The following CATSPER4 variants were observed in gnomAD, a reference collection of about 807,000 sequenced individuals.
CATSPER4 encodes the protein cation channel sperm-associated protein 4.
A neutral mutation model predicts 54.4 loss-of-function variants in CATSPER4; 46 were observed. The observed-to-expected ratio is 0.84, with a 90% CI of 0.67 to 1.08. CATSPER4 has a LOEUF of 1.08. Ranked by LOEUF, CATSPER4 falls within the 50% of genes least tolerant of loss-of-function variation. CATSPER4 has a pLI of 0.00. For synonymous variants in CATSPER4, 230 were observed against 231.9 expected (o/e 0.99, Z 0.08); for missense variants, 574 against 612.8 (o/e 0.94, Z 0.67).
Position 26,198,341 on chromosome 1 carries a change from A to T in CATSPER4, c.734A>T (p.Gln245Leu). Residue 245 changes from glutamine (Q) to leucine (L), a missense_variant, in exon 6 of 10, where the codon CAG becomes CTG. Transcript: ENST00000456354. The part of the protein sequence containing the change: ...LFGAFVPKHF[Q>L]NIQVALYTLF... ...GGTGCATTCGTGCCCAAGCATTTCC[A>T]GAACATACAGGTTGCGCTGTACACC... 6.2e-7 allele frequency: 1 copy of T among 1,614,154 alleles called. No homozygotes were observed. The highest frequency in any genetic ancestry group is 2.2e-5 in the East Asian group (1 of 44,876).
At chr1:26,199,417 G>A (rs1318597691) in intron 6 of CATSPER4, among the ~76,000 whole-genome samples, 2 of 144,882 alleles carry the variant, frequency 1.4e-5, no homozygotes, top group Non-Finnish European at 3.0e-5. Flanking sequence ...AGGTGACAGA[G>A]TGAGACTCTG....
Position 26,200,952 on chromosome 1 carries a change from A to G in CATSPER4, c.1110A>G (p.Ser370=), listed in dbSNP as rs2089000952. The G allele has an allele frequency of 6.2e-7, 1 of 1,614,144 alleles. No individual in the cohort carries two copies. The highest frequency in any genetic ancestry group is 8.5e-7 in the Non-Finnish European group (1 of 1,180,016). ...CGGGAGGCCCCCTGTCGAACCTCTC[A>G]GAAAACACGTGTGACAACTTTTGCT... is the stretch of plus-strand genomic sequence containing the variant. The part of the protein sequence containing the change: ...PLAGGPLSNL[S]ENTCDNFCLV... Residue 370 remains serine (S), a synonymous_variant, in exon 8 of 10, where the codon TCA becomes TCG. Transcript: ENST00000456354.
intron 6 of CATSPER4, 118 bp downstream of exon 6, chr1:26,198,537 G>C: frequency 7.7e-7 from 1 of 1,306,624 alleles, no homozygotes; most frequent in Non-Finnish European, 1.1e-6. Context: ...GTAGAAGTGG[G>C]GGTTCCCAGG....
At chr1:26,195,473 G>A (rs2088925678) in intron 3 of CATSPER4, among the ~76,000 whole-genome samples, 2 of 151,368 alleles carry the variant, frequency 1.3e-5, no homozygotes, top group African/African-American at 2.4e-5. Context: ...AGGGGAGATG[G>A]GAGATGCCAG....
Position 26,200,199 on chromosome 1 carries a change from C to T in CATSPER4, c.987+141C>T, listed in dbSNP as rs141509178. On this transcript the variant is annotated intron_variant, in intron 7 of 9. Coordinates refer to ENST00000456354, the MANE Select transcript of CATSPER4 (RefSeq NM_198137.2). ...TGGAGGCCTGGAGGCAGCAGCCCCC[C>T]ATCTTGAGTGCCCACCCACCAACTG... 2.1e-3 allele frequency: 1,974 copies of T among 924,338 alleles called. 27 individuals are homozygous for T. The highest frequency in any genetic ancestry group is 0.012 in the East Asian group (438 of 37,510). The allele number at this position is 924,338 out of a possible 1,614,324, so 57.3% of individuals were successfully genotyped here. A position where few individuals can be genotyped will look rare whatever the true frequency, so the allele number is the denominator to read the frequency against.
intron 3 of CATSPER4, among the ~76,000 whole-genome samples, chr1:26,195,015 C>T (rs145599242): frequency 4.6e-5 from 7 of 152,250 alleles, no homozygotes; most frequent in South Asian, 4.2e-4. Context: ...ACCCGGGAGG[C>T]GGAGTTTGCA....
intron 3 of CATSPER4, among the ~76,000 whole-genome samples, chr1:26,195,286 G>A (rs561667015): frequency 1.3e-5 from 2 of 151,948 alleles, no homozygotes; most frequent in Non-Finnish European, 2.9e-5. Flanking sequence ...AGGAATACCC[G>A]AGGTTGAATA....
At chr1:26,198,466 G>A (rs771376307) in intron 6 of CATSPER4, 47 bp downstream of exon 6, 2 of 1,611,906 alleles carry the variant, frequency 1.2e-6, no homozygotes, top group Non-Finnish European at 1.7e-6. Flanking sequence ...ATGGGGCAGG[G>A]TAGCCGGTGG....
At chr1:26,193,915 C>T in intron 3 of CATSPER4, 27 bp downstream of exon 3, 4 of 1,536,710 alleles carry the variant, frequency 2.6e-6, no homozygotes, top group Non-Finnish European at 3.6e-6. Flanking sequence ...TTTGCCCCTA[C>T]TTCCCCCTGG....
In CATSPER4 at chr1:26,198,332, A is replaced by G. The variant is rs569945028; in HGVS notation, c.725A>G (p.Lys242Arg). The G allele has an allele frequency of 9.3e-6, 15 of 1,614,058 alleles. No individual in the cohort carries two copies. In the African/African-American group the frequency reaches 1.3e-4, roughly 14 times the overall value. ...GVTLFGAFVPKHFQNIQVALY... is the reference protein window; with the variant it reads ...GVTLFGAFVPRHFQNIQVALY... ...ACACTCTTTGGTGCATTCGTGCCCA[A>G]GCATTTCCAGAACATACAGGTTGCG... Residue 242 changes from lysine to arginine, a missense_variant, in exon 6 of 10, where the codon AAG (lysine) becomes AGG (arginine). Coordinates refer to ENST00000456354, the MANE Select transcript of CATSPER4 (RefSeq NM_198137.2).
At chr1:26,196,144 CTTTTT>C (rs376569258) in intron 3 of CATSPER4, among the ~76,000 whole-genome samples, 1 of 125,274 alleles carries the variant, frequency 8.0e-6, no homozygotes, top group Non-Finnish European at 1.6e-5. Flanking sequence ...CTTTCTTTTC[CTTTTT>C]TTTTTTTTTT....
rs1314680482 is a variant in CATSPER4, at chr1:26,191,442, G to A, written c.357+12G>A. 6.2e-7 allele frequency: 1 copy of A among 1,613,982 alleles called. No individual in the cohort carries two copies. Among genetic ancestry groups the A allele is most frequent in the Non-Finnish European group, 8.5e-7 (1 of 1,179,982 alleles). The stretch of plus-strand genomic sequence containing the variant: ...CCTACCTGGACCAGGTGGGATGCCA[G>A]CATGACCTCTGCCCCACTAACCCTA... On this transcript the variant is annotated intron_variant, in intron 2 of 9. Coordinates refer to ENST00000456354, the MANE Select transcript of CATSPER4 (RefSeq NM_198137.2).
At chr1:26,201,968 C>T (rs1436304880) in intron 9 of CATSPER4, among the ~76,000 whole-genome samples, 16 of 152,102 alleles carry the variant, frequency 1.1e-4, no homozygotes, top group African/African-American at 2.9e-4. Flanking sequence ...GGATTACAGG[C>T]GTGAGCCACT....
chr1:26,199,751 T>C, intron 6 of CATSPER4, 133 bp from the exon 7 acceptor site: 1 of 922,636 alleles, frequency 1.1e-6, no homozygotes, highest in Non-Finnish European at 1.7e-6. Flanking sequence ...GAGTAGGGAA[T>C]GGGATCTGCA....
chr1:26,192,782 G>A (rs949460562), intron 2 of CATSPER4, among the ~76,000 whole-genome samples: 3 of 151,874 alleles, frequency 2.0e-5, no homozygotes, highest in African/African-American at 4.8e-5. Context: ...ATTGTCTCCA[G>A]TGGCCATATG....
chr1:26,190,623 CA>C lies in CATSPER4; in HGVS notation c.-2del, dbSNP rs1326374258. On this transcript the variant is annotated 5_prime_UTR_variant, in exon 1 of 10. Transcript: ENST00000456354. ...CTTTGAGGAGAAGGAAGAGACTGAG[CA>C]AACATGAGGGATAATGAAAAGGCCT... 2 of 1,599,192 alleles carry C rather than the reference CA, an allele frequency of 1.3e-6. No homozygotes were observed. Among genetic ancestry groups the C allele is most frequent in the Non-Finnish European group, 1.7e-6 (2 of 1,179,192 alleles).
At position 26,200,857 on chromosome 1, in the gene CATSPER4, G is replaced by A; in HGVS notation, c.1015G>A (p.Asp339Asn). 1 of 1,614,096 alleles carries A rather than the reference G, an allele frequency of 6.2e-7. No individual in the cohort carries two copies. The highest frequency in any genetic ancestry group is 8.5e-7 in the Non-Finnish European group (1 of 1,179,952). The change falls in exon 8 of 10, where the codon GAC becomes AAC. Residue 339 changes from aspartate to asparagine, a missense_variant. Asp to Asn is a conservative substitution (Grantham distance 23). Transcript: ENST00000456354. Reference protein sequence around the residue: ...ETGAEEEEENDQLPLVHCVVA... With the variant: ...ETGAEEEEENNQLPLVHCVVA... ...AGGCGCAGAGGAAGAGGAGGAGAATGACCAGCTGCCACTGGTGCATTGTGT... is the reference window on the plus strand; with the variant it reads ...AGGCGCAGAGGAAGAGGAGGAGAATAACCAGCTGCCACTGGTGCATTGTGT...
chr1:26,202,060 G>A (rs552553479), intron 9 of CATSPER4, among the ~76,000 whole-genome samples: 23 of 152,164 alleles, frequency 1.5e-4, no homozygotes, highest in South Asian at 6.2e-4. Context: ...TTTCCTTCTC[G>A]GAAAGGCTCC....
Position 26,190,672 on chromosome 1 carries a change from T to C in CATSPER4, c.45T>C (p.His15=). ...CCTGGTGGCAGCAATGGACCTCCCA[T>C]ACAGGCCTCGAGGGGTGGGGCGGGA... ...EKAWWQQWTS[H]TGLEGWGGTQ... Residue 15 remains histidine, a synonymous_variant, in exon 1 of 10, where the codon CAT becomes CAC. Coordinates refer to ENST00000456354, the MANE Select transcript of CATSPER4 (RefSeq NM_198137.2). The C allele has an allele frequency of 6.2e-7, 1 of 1,609,872 alleles. No individual in the cohort carries two copies.
Sources: allele counts gnomAD v4.1 joint callset (sites outside exome capture counted in the v4.1 genomes callset), GRCh38; gene constraint gnomAD v4.1.1; transcripts MANE v1.5; gene names NCBI Gene and HGNC (gene_info 2026-07-23, HGNC 2026-07-21).